MMS22L: variants seen among roughly 807,000 people sequenced by gnomAD.
MMS22L encodes protein MMS22-like.
MMS22L carries 74 observed loss-of-function variants against 159.1 expected under a neutral mutation model. The observed-to-expected ratio is 0.47, with a 90% CI of 0.39 to 0.56. MMS22L has a LOEUF of 0.56. Among genes scored for constraint, MMS22L ranks in the 20% least tolerant of loss-of-function variants. The pLI, the probability that MMS22L is intolerant of heterozygous loss-of-function variation, is 0.00. For synonymous variants in MMS22L, 517 were observed against 506.9 expected (o/e 1.02, Z -0.27); for missense variants, 1,351 against 1,422.1 (o/e 0.95, Z 0.80).
intron 24 of MMS22L, among the ~76,000 whole-genome samples, chr6:97,147,185 T>C (rs1401871453): frequency 2.0e-5 from 3 of 152,148 alleles, no homozygotes; most frequent in African/African-American, 7.2e-5. Context: ...AATGCATTCA[T>C]GGAATATTAT....
chr6:97,165,483 C>T lies in MMS22L; in HGVS notation c.3010-26G>A, dbSNP rs1802872923. ...CTACAAGGAAAAAAAGTAAGAAATACTAAGAGGTAAAGTTTCAAAGAACAA... is the reference window on the plus strand; with the variant it reads ...CTACAAGGAAAAAAAGTAAGAAATATTAAGAGGTAAAGTTTCAAAGAACAA... On this transcript the variant is annotated intron_variant, in intron 20 of 24. Coordinates refer to ENST00000683635, the MANE Select transcript of MMS22L (RefSeq NM_001350599.2). 9.5e-6 allele frequency: 15 copies of T among 1,582,240 alleles called. No homozygotes were observed. The East Asian group carries it at 2.3e-4, about 24-fold the overall frequency.
At chr6:97,164,500 T>C (rs1802761773) in intron 21 of MMS22L, among the ~76,000 whole-genome samples, 1 of 149,996 alleles carries the variant, frequency 6.7e-6, no homozygotes, top group Admixed American at 6.7e-5. Context: ...TTAAGAAGTT[T>C]TGTTTTTCAT....
In MMS22L at chr6:97,145,181, T is replaced by A. The variant is rs1416511101; in HGVS notation, c.*1625A>T. ...ACATTATTTGTTTAGTAAGTCACTA[T>A]CATGATGAAAAGAAATTCAGTGTTA... On this transcript the variant is annotated 3_prime_UTR_variant, in exon 25 of 25. Transcript: ENST00000683635. 6.6e-6 allele frequency: 1 copy of A among 152,106 alleles called. No individual in the cohort carries two copies. Among genetic ancestry groups the A allele is most frequent in the Non-Finnish European group, 1.5e-5 (1 of 67,996 alleles). The allele number at this position is 152,106 out of a possible 1,614,324, so 9.4% of individuals were successfully genotyped here. A position where few individuals can be genotyped will look rare whatever the true frequency, so the allele number is the denominator to read the frequency against.
intron 22 of MMS22L, among the ~76,000 whole-genome samples, chr6:97,160,765 C>G (rs1253006876): frequency 6.6e-6 from 1 of 151,924 alleles, no homozygotes; most frequent in Non-Finnish European, 1.5e-5. Context: ...CCACATTTCT[C>G]AACAGCTCTG....
At chr6:97,275,881 T>C (rs983548591) in intron 4 of MMS22L, among the ~76,000 whole-genome samples, 1 of 152,074 alleles carries the variant, frequency 6.6e-6, no homozygotes, top group African/African-American at 2.4e-5. Context: ...CGTGAGCCTG[T>C]AGTCTCAGCT....
At chr6:97,158,901 G>A (rs1802131957) in intron 22 of MMS22L, among the ~76,000 whole-genome samples, 1 of 152,116 alleles carries the variant, frequency 6.6e-6, no homozygotes, top group Non-Finnish European at 1.5e-5. Context: ...AATATTGACA[G>A]TGGGGTGTTA....
chr6:97,166,375 T>C (rs1235406838), intron 20 of MMS22L, among the ~76,000 whole-genome samples: 1 of 152,148 alleles, frequency 6.6e-6, no homozygotes, highest in Non-Finnish European at 1.5e-5. Flanking sequence ...AGAGAAATAA[T>C]TTAAAATGTT....
chr6:97,222,620 T>C (rs982746357), intron 14 of MMS22L, among the ~76,000 whole-genome samples: 1 of 152,060 alleles, frequency 6.6e-6, no homozygotes, highest in Non-Finnish European at 1.5e-5. Flanking sequence ...AATTTATTGT[T>C]TCTTTTTAAA....
rs749143858 is a variant in MMS22L, at chr6:97,254,682, T to C, written c.994A>G (p.Ser332Gly). The change falls in exon 10 of 25, where the codon AGT (serine) becomes GGT (glycine). Residue 332 changes from serine (S) to glycine (G), a missense_variant. Transcript: ENST00000683635. ...KLLKTLLEKS[S>G]DRRRSSMPVI... Reference sequence around the variant, plus strand: ...GGCATAGAGGATCTTCTTCGGTCACTTGATTTTTCAAGCAGTGTTTTAAGT... The same window carrying C: ...GGCATAGAGGATCTTCTTCGGTCACCTGATTTTTCAAGCAGTGTTTTAAGT... 17 of 1,611,490 alleles carry C rather than the reference T, an allele frequency of 1.1e-5. No individual in the cohort carries two copies. The highest frequency in any genetic ancestry group is 4.0e-5 in the African/African-American group (3 of 74,948).
In MMS22L at chr6:97,238,655, A is replaced by T. The variant is rs753006567; in HGVS notation, c.1183-4675T>A. The stretch of plus-strand genomic sequence containing the variant: ...TATGAGCTATTTAATGAATATTCCA[A>T]TAAGTCCGTTAAATGAATATGCCTG... On this transcript the variant is annotated intron_variant, in intron 11 of 24. Transcript: ENST00000683635. Among the ~76,000 whole-genome samples the T allele has an allele frequency of 2.0e-5, 3 of 150,494 alleles. No homozygotes were observed. In the South Asian group the frequency reaches 6.4e-4, roughly 32 times the overall value.
chr6:97,149,660 G>C (rs1045600631), intron 24 of MMS22L, among the ~76,000 whole-genome samples, 193 bp downstream of exon 24: 2 of 152,160 alleles, frequency 1.3e-5, no homozygotes, highest in Non-Finnish European at 2.9e-5. Flanking sequence ...TATTGATTTT[G>C]CTAAGTTTGC....
chr6:97,261,118 T>C (rs975904756), intron 9 of MMS22L: 4 of 152,276 alleles, frequency 2.6e-5, no homozygotes, highest in African/African-American at 9.6e-5. Context: ...AAAGCAGTTT[T>C]ATAACCACTG....
intron 15 of MMS22L, among the ~76,000 whole-genome samples, chr6:97,185,673 A>C (rs1805154458): frequency 6.6e-6 from 1 of 152,160 alleles, no homozygotes; most frequent in Non-Finnish European, 1.5e-5. Context: ...AATCTTTTCA[A>C]ATTTAAATCA....
intron 9 of MMS22L, among the ~76,000 whole-genome samples, chr6:97,257,414 G>A (rs879845880): frequency 6.6e-6 from 1 of 152,064 alleles, no homozygotes; most frequent in Non-Finnish European, 1.5e-5. Context: ...GATATTTTTA[G>A]AGTATACCAG....
In MMS22L at chr6:97,162,140, A is replaced by G; in HGVS notation, c.3247T>C (p.Ser1083Pro). ...GATGCTAAGCGAGGAGGAGGTGAGG[A>G]CCCCTTATACTCAAGGTAGGATTTC... ...IRKSYLEYKGSSPPPRLASIL... is the reference protein window; with the variant it reads ...IRKSYLEYKGPSPPPRLASIL... The change falls in exon 22 of 25, where the codon TCC (serine) becomes CCC (proline). Residue 1083 changes from serine to proline, a missense_variant. Coordinates refer to ENST00000683635, the MANE Select transcript of MMS22L (RefSeq NM_001350599.2). 2.5e-6 allele frequency: 4 copies of G among 1,602,294 alleles called. No individual in the cohort carries two copies. The South Asian group carries it at 3.4e-5, about 14-fold the overall frequency.
In MMS22L at chr6:97,209,482, T is replaced by C. The variant is rs1260672452; in HGVS notation, c.2039+19412A>G. ...AGAAATACTTGCCTGGGTACTCTTC[T>C]ACCTTCACTGACCTCAAGCTATCTA... On this transcript the variant is annotated intron_variant, in intron 14 of 24. Transcript: ENST00000683635. 1.6e-4 allele frequency among the ~76,000 whole-genome samples: 25 copies of C among 151,910 alleles called. 1 individual carries two copies. The highest frequency in any genetic ancestry group is 2.9e-5 in the Non-Finnish European group (2 of 67,890).
intron 14 of MMS22L, among the ~76,000 whole-genome samples, chr6:97,226,123 G>A (rs780817665): frequency 6.6e-6 from 1 of 152,060 alleles, no homozygotes; most frequent in Non-Finnish European, 1.5e-5. Context: ...ACGTAAACTG[G>A]TAAACAATAC....
intron 3 of MMS22L, among the ~76,000 whole-genome samples, chr6:97,280,205 T>A (rs1816634718): frequency 6.6e-6 from 1 of 152,228 alleles, no homozygotes; most frequent in South Asian, 2.1e-4. Flanking sequence ...TTTAAATGTA[T>A]CACATATAGA....
intron 14 of MMS22L, among the ~76,000 whole-genome samples, chr6:97,214,690 T>TG (rs987920876): frequency 1.3e-4 from 20 of 150,182 alleles, no homozygotes; most frequent in Non-Finnish European, 2.2e-4. Context: ...TTTTTGTTTT[T>TG]TTTTTTTTTT....
Sources: gnomAD v4.1 joint callset for allele counts (sites outside exome capture counted in the v4.1 genomes callset) on GRCh38, gnomAD v4.1.1 for gene constraint, MANE v1.5 for transcripts, NCBI Gene and HGNC (gene_info 2026-07-23, HGNC 2026-07-21) for gene names.